Variants in SLC13A3 observed in about 807,000 individuals in gnomAD.
SLC13A3 encodes solute carrier family 13 member 3, also known as Na(+)/dicarboxylate cotransporter 3.
SLC13A3 carries 40 observed loss-of-function variants against 59.0 expected under a neutral mutation model. That is an observed-to-expected ratio of 0.68 (90% CI 0.53 to 0.88). SLC13A3 has a LOEUF of 0.88. Among genes scored for constraint, SLC13A3 ranks in the 40% least tolerant of loss-of-function variants. SLC13A3 has a pLI of 0.00. For missense variants in SLC13A3, 699 were observed against 783.2 expected, an observed-to-expected ratio of 0.89 and a Z score of 1.28; for synonymous variants, 317 against 330.3, an observed-to-expected ratio of 0.96 and a Z score of 0.44.
In SLC13A3 at chr20:46,558,009, G is replaced by A. The variant is rs916431795; in HGVS notation, c.*2013C>T. ...AATTGTTCTAGGAACTGGAGTTACA[G>A]CAGTAAAAAAAATAACATTTGTATT... On this transcript the variant is annotated 3_prime_UTR_variant, in exon 13 of 13. Transcript: ENST00000279027. The A allele has an allele frequency of 1.3e-5, 2 of 152,094 alleles. No homozygotes were observed. Among genetic ancestry groups the A allele is most frequent in the Non-Finnish European group, 2.9e-5 (2 of 68,034 alleles). The allele number at this position is 152,094 out of a possible 1,614,324, so 9.4% of individuals were successfully genotyped here.
chr20:46,579,147 T>C (rs949062501), intron 9 of SLC13A3, among the ~76,000 whole-genome samples: 8 of 152,082 alleles, frequency 5.3e-5, no homozygotes, highest in Non-Finnish European at 1.2e-4. Context: ...ATTTTTCTTT[T>C]TTTTCTTGAG....
At chr20:46,585,811 G>C in intron 8 of SLC13A3, 1 of 1,262,666 alleles carries the variant, frequency 7.9e-7, no homozygotes, top group South Asian at 1.3e-5. Context: ...GAGCTTCATG[G>C]CTTCATGAAA....
chr20:46,582,296 T>A (rs2062146708), intron 9 of SLC13A3, among the ~76,000 whole-genome samples: 3 of 151,856 alleles, frequency 2.0e-5, no homozygotes, highest in African/African-American at 7.3e-5. Context: ...ATTTTTTTTA[T>A]TTTTTAATTT....
chr20:46,675,374 C>T (rs1363585583), intron 1 of SLC13A3, among the ~76,000 whole-genome samples: 3 of 150,350 alleles, frequency 2.0e-5, no homozygotes, highest in South Asian at 2.1e-4. Context: ...GGACTACAGG[C>T]GCATGCTGCC....
intron 3 of SLC13A3, among the ~76,000 whole-genome samples, chr20:46,602,969 G>A (rs1300794005): frequency 1.3e-5 from 2 of 151,958 alleles, no homozygotes; most frequent in African/African-American, 2.4e-5. Flanking sequence ...ACCTGAGGTC[G>A]GGAGTTTGAG....
intron 11 of SLC13A3, among the ~76,000 whole-genome samples, chr20:46,564,727 T>G (rs1167174111): frequency 1.3e-5 from 2 of 152,172 alleles, no homozygotes; most frequent in Non-Finnish European, 2.9e-5. Flanking sequence ...GGAATCTCAG[T>G]CACAGGAATT....
At chr20:46,593,282 T>C (rs964685521) in intron 5 of SLC13A3, among the ~76,000 whole-genome samples, 1 of 152,136 alleles carries the variant, frequency 6.6e-6, no homozygotes, top group Non-Finnish European at 1.5e-5. Flanking sequence ...AATGTGCATA[T>C]CCTTTTACCC....
At chr20:46,622,620 GC>G (rs869063495) in intron 1 of SLC13A3, among the ~76,000 whole-genome samples, 1 of 56,378 alleles carries the variant, frequency 1.8e-5, no homozygotes, top group Admixed American at 2.6e-4. Flanking sequence ...TGTGGTGTGT[GC>G]GTGTGTGTGT....
In SLC13A3 at chr20:46,592,515, C is replaced by G; in HGVS notation, c.809G>C (p.Cys270Ser). 1 of 1,613,720 alleles carries G rather than the reference C, an allele frequency of 6.2e-7. No homozygotes were observed. Among genetic ancestry groups the G allele is most frequent in the Non-Finnish European group, 8.5e-7 (1 of 1,179,742 alleles). Reference sequence around the variant, plus strand: ...CCAGGAGCCGAAATTCACCACGTCACACTGCGGAAAGAAACTGGAGAACAG... The same window carrying G: ...CCAGGAGCCGAAATTCACCACGTCAGACTGCGGAAAGAAACTGGAGAACAG... ...LGQLKSFFPQ[C>S]DVVNFGSWFI... is the part of the protein sequence containing the mutation. Residue 270 changes from cysteine (C) to serine (S), a missense_variant, in exon 6 of 13, where the codon TGT becomes TCT. Transcript: ENST00000279027.
chr20:46,608,744 A>T, intron 3 of SLC13A3: 1 of 1,051,606 alleles, frequency 9.5e-7, no homozygotes, highest in Non-Finnish European at 1.3e-6. Flanking sequence ...AATTTAATTC[A>T]TATTTTAAAA....
chr20:46,664,876 T>C (rs1280444799), intron 1 of SLC13A3, among the ~76,000 whole-genome samples: 2 of 152,118 alleles, frequency 1.3e-5, no homozygotes, highest in East Asian at 1.9e-4. Flanking sequence ...GCAGGCAACA[T>C]GACAGGTCTT....
chr20:46,623,926 C>A (rs1211945106), intron 1 of SLC13A3, among the ~76,000 whole-genome samples: 1 of 152,194 alleles, frequency 6.6e-6, no homozygotes, highest in Non-Finnish European at 1.5e-5. Flanking sequence ...GGTGGTCTGA[C>A]CAGAGTTTTC....
chr20:46,634,566 T>C (rs2062777221), intron 1 of SLC13A3, among the ~76,000 whole-genome samples: 1 of 146,064 alleles, frequency 6.8e-6, no homozygotes, highest in Non-Finnish European at 1.5e-5. Flanking sequence ...GTTAGACCCC[T>C]GGACTCATTA....
At chr20:46,585,603 A>T in intron 8 of SLC13A3, 1 of 1,200,108 alleles carries the variant, frequency 8.3e-7, no homozygotes, top group African/African-American at 1.6e-5. Context: ...GTCCGATAAC[A>T]GCGTGATCAC....
chr20:46,655,458 C>T (rs1159688382), upstream of SLC13A3, among the ~76,000 whole-genome samples: 3 of 148,024 alleles, frequency 2.0e-5, no homozygotes, highest in Non-Finnish European at 4.5e-5. Flanking sequence ...TCTGGGGAGG[C>T]CTCAGAGAGC....
At chr20:46,646,695 C>T (rs528949125) in intron 1 of SLC13A3, among the ~76,000 whole-genome samples, 1 of 152,186 alleles carries the variant, frequency 6.6e-6, no homozygotes, top group Non-Finnish European at 1.5e-5. Flanking sequence ...GTTTCATCAT[C>T]TGCAAAATAG....
chr20:46,649,180 C>T (rs1485684385), intron 1 of SLC13A3, among the ~76,000 whole-genome samples: 1 of 152,124 alleles, frequency 6.6e-6, no homozygotes, highest in Non-Finnish European at 1.5e-5. Flanking sequence ...CTCAATAAAA[C>T]ACCTTCTTCA....
At chr20:46,588,310 C>A (rs1392646596) in intron 7 of SLC13A3, 147 bp from the exon 8 acceptor site, 2 of 534,412 alleles carry the variant, frequency 3.7e-6, no homozygotes, top group African/African-American at 3.9e-5. Context: ...CCAGGGAGTG[C>A]CCAGAGTGAG....
upstream of SLC13A3, among the ~76,000 whole-genome samples, chr20:46,655,835 T>C (rs1251311563): frequency 6.6e-5 from 9 of 137,324 alleles, no homozygotes; most frequent in Non-Finnish European, 1.1e-4. Flanking sequence ...TACTATACAG[T>C]ATATATTATA....
Sources: gnomAD v4.1 joint callset for allele counts (sites outside exome capture counted in the v4.1 genomes callset) on GRCh38, gnomAD v4.1.1 for gene constraint, MANE v1.5 for transcripts, NCBI Gene and HGNC (gene_info 2026-07-23, HGNC 2026-07-21) for gene names.